GPD1: variants seen among roughly 807,000 people sequenced by gnomAD.
The protein encoded by GPD1 is glycerol-3-phosphate dehydrogenase 1, also known as glycerol-3-phosphate dehydrogenase [NAD(+)], cytoplasmic.
A neutral mutation model predicts 34.4 loss-of-function variants in GPD1; 19 were observed. The observed-to-expected ratio is 0.55, with a 90% confidence interval of 0.39 to 0.81. The LOEUF is 0.81. Among genes scored for constraint, GPD1 ranks in the 30% least tolerant of loss-of-function variants. The pLI, the probability that GPD1 is intolerant of heterozygous loss-of-function variation, is 0.00. For synonymous variants in GPD1, 172 were observed against 174.1 expected (o/e 0.99, Z 0.09); for missense variants, 429 against 447.0 (o/e 0.96, Z 0.36).
chr12:50,108,546 G>C (rs1950999794), intron 7 of GPD1, among the ~76,000 whole-genome samples: 1 of 152,156 alleles, frequency 6.6e-6, no homozygotes, highest in Non-Finnish European at 1.5e-5. Context: ...TGGGCTTCAA[G>C]GTGCTCGTTT....
chr12:50,106,424 T>G lies in GPD1; in HGVS notation c.497T>G (p.Ile166Ser), dbSNP rs1443931518. 2 of 1,613,432 alleles carry G rather than the reference T, an allele frequency of 1.2e-6. No homozygotes were observed. The highest frequency in any genetic ancestry group is 1.7e-6 in the Non-Finnish European group (2 of 1,179,744). ...VADEKFCETT[I>S]GCKDPAQGQL... ...GATGAGAAGTTCTGTGAGACAACCA[T>G]TGGTGAGAGCCCCCTGGCACCTGCA... is the stretch of plus-strand genomic sequence containing the variant. Residue 166 changes from isoleucine (I) to serine (S), a missense_variant and splice_region_variant, in exon 4 of 8, where the codon ATT becomes AGT. Ile to Ser is a moderately radical substitution (Grantham distance 142, BLOSUM62 -2). Transcript: ENST00000301149.
chr12:50,107,095 G>A lies in GPD1; in HGVS notation c.612+178G>A, dbSNP rs577003819. ...AAGCAAGGCCAGGGCCATTCAGGCCGGCTGATTATTCATCATCAGACCGTG... is the reference window on the plus strand; with the variant it reads ...AAGCAAGGCCAGGGCCATTCAGGCCAGCTGATTATTCATCATCAGACCGTG... On this transcript the variant is annotated intron_variant, in intron 5 of 7. Transcript: ENST00000301149. 1.0e-5 allele frequency: 7 copies of A among 699,210 alleles called. 1 individual carries two copies. The highest frequency in any genetic ancestry group is 6.0e-5 in the South Asian group (4 of 66,714). The allele number at this position is 699,210 out of a possible 1,614,324, so 43.3% of individuals were successfully genotyped here.
chr12:50,108,440 A>G (rs1164512646), intron 7 of GPD1, among the ~76,000 whole-genome samples: 1 of 151,932 alleles, frequency 6.6e-6, no homozygotes, highest in Non-Finnish European at 1.5e-5. Flanking sequence ...AGCTCATCCC[A>G]CTTCTGTCCA....
rs771618437 is a variant in GPD1, at chr12:50,107,609, T to A, written c.655T>A (p.Phe219Ile). 6.2e-7 allele frequency: 1 copy of A among 1,614,158 alleles called. No individual in the cohort carries two copies. The highest frequency in any genetic ancestry group is 1.1e-5 in the South Asian group (1 of 91,084). ...VGAGFCDGLG[F>I]GDNTKAAVIR... ...GGCTGGCTTCTGTGATGGCCTGGGC[T>A]TTGGCGACAACACCAAGGCGGCAGT... The change falls in exon 6 of 8, where the codon TTT (phenylalanine) becomes ATT (isoleucine). Residue 219 changes from phenylalanine (F) to isoleucine (I), a missense_variant. Coordinates refer to ENST00000301149, the MANE Select transcript of GPD1 (RefSeq NM_005276.4).
chr12:50,106,762 A>G (rs1264349255), intron 4 of GPD1, 43 bp from the exon 5 acceptor site: 9 of 1,118,396 alleles, frequency 8.0e-6, no homozygotes, highest in Non-Finnish European at 1.2e-5. Flanking sequence ...ATATTTTTTA[A>G]AAAGAGTCCT....
intron 1 of GPD1, 31 bp from the exon 2 acceptor site, chr12:50,104,543 C>T: frequency 2.5e-6 from 4 of 1,580,818 alleles, no homozygotes; most frequent in Non-Finnish European, 3.5e-6. Context: ...TTCCCTCCTC[C>T]TGTACTTTCC....
chr12:50,106,174 G>A (rs2232203), intron 3 of GPD1, 114 bp from the exon 4 acceptor site: 14,769 of 948,388 alleles, frequency 0.016, 157 homozygotes, highest in Middle Eastern at 0.023. Flanking sequence ...AATGGGGCAG[G>A]ACCTGTCGGG....
intron 3 of GPD1, 87 bp downstream of exon 3, chr12:50,105,775 T>C (rs1317181230): frequency 2.2e-6 from 3 of 1,364,842 alleles, no homozygotes; most frequent in Non-Finnish European, 3.1e-6. Flanking sequence ...GAACAGAAAA[T>C]GGCAGACGCA....
Position 50,109,578 on chromosome 12 carries a change from T to G in GPD1, c.*59T>G, listed in dbSNP as rs1951008192. 1 of 837,360 alleles carries G rather than the reference T, an allele frequency of 1.2e-6. No homozygotes were observed. Among genetic ancestry groups the G allele is most frequent in the Admixed American group, 1.7e-5 (1 of 57,778 alleles). The allele number at this position is 837,360 out of a possible 1,614,324, so 51.9% of individuals were successfully genotyped here. On this transcript the variant is annotated 3_prime_UTR_variant, in exon 8 of 8. Transcript: ENST00000301149. ...ACCCCAGTGGAGACCAGCAGAAGCC[T>G]GGGGTACCTAGTCACCAGGATCTCC...
In GPD1 at chr12:50,107,551, C is replaced by T. The variant is rs750266027; in HGVS notation, c.613-16C>T. On this transcript the variant is annotated splice_polypyrimidine_tract_variant and intron_variant, in intron 5 of 7. Coordinates refer to ENST00000301149, the MANE Select transcript of GPD1 (RefSeq NM_005276.4). ...GGAGGGGGTCTTTTCTCACCTATGA[C>T]CTCCACTCCTTCAAGAATGTAGTGG... 1.9e-6 allele frequency: 3 copies of T among 1,599,766 alleles called. No individual in the cohort carries two copies. Among genetic ancestry groups the T allele is most frequent in the South Asian group, 2.2e-5 (2 of 90,822 alleles).
chr12:50,104,259 GC>G, intron 1 of GPD1, 168 bp downstream of exon 1: 1 of 725,600 alleles, frequency 1.4e-6, no homozygotes, highest in Non-Finnish European at 2.4e-6. Context: ...CCTGACCCCC[GC>G]CCTCCTGGGC....
chr12:50,104,989 A>G (rs1167235572), intron 2 of GPD1, among the ~76,000 whole-genome samples: 2 of 152,240 alleles, frequency 1.3e-5, no homozygotes, highest in Non-Finnish European at 2.9e-5. Flanking sequence ...GTTGGTCTCC[A>G]TGGCAGCCAA....
At chr12:50,109,041 A>G (rs1317007509) in intron 7 of GPD1, among the ~76,000 whole-genome samples, 1 of 150,442 alleles carries the variant, frequency 6.6e-6, no homozygotes, top group Non-Finnish European at 1.5e-5. Context: ...AGGCTGATGC[A>G]GGAGAATCGC....
At chr12:50,106,516 A>G in intron 4 of GPD1, 90 bp downstream of exon 4, 3 of 1,240,400 alleles carry the variant, frequency 2.4e-6, no homozygotes, top group Middle Eastern at 1.9e-4. Context: ...TCTCTTTCCC[A>G]TAAGGCAGAG....
Position 50,107,969 on chromosome 12 carries a change from C to G in GPD1, c.847-55C>G, listed in dbSNP as rs186637941. 301 of 1,194,598 alleles carry G rather than the reference C, an allele frequency of 2.5e-4. 1 individual carries two copies. In the African/African-American group the frequency reaches 3.9e-3, roughly 15 times the overall value. The allele number at this position is 1,194,598 out of a possible 1,614,324, so 74.0% of individuals were successfully genotyped here. ...CATCTGAGCTCCAGTCTCTCCACCC[C>G]CTACTGACAACCCTTCTCTCCCATT... On this transcript the variant is annotated intron_variant, in intron 6 of 7. Transcript: ENST00000301149.
intron 7 of GPD1, among the ~76,000 whole-genome samples, chr12:50,109,012 G>C (rs1222009749): frequency 6.6e-6 from 1 of 151,918 alleles, no homozygotes; most frequent in Non-Finnish European, 1.5e-5. Context: ...GTGTGTGCCT[G>C]TAATCCCAGC....
chr12:50,104,129 G>GC (rs747779255), intron 1 of GPD1, 38 bp downstream of exon 1: 3 of 1,595,458 alleles, frequency 1.9e-6, no homozygotes, highest in African/African-American at 1.3e-5. Flanking sequence ...GGAAGGGTAG[G>GC]CCCCCCAAGA....
chr12:50,105,892 G>T lies in GPD1; in HGVS notation c.360+204G>T, dbSNP rs1453995548. 4.3e-6 allele frequency: 3 copies of T among 705,846 alleles called. No individual in the cohort carries two copies. The East Asian group carries it at 8.1e-5, about 19-fold the overall frequency. The allele number at this position is 705,846 out of a possible 1,614,324, so 43.7% of individuals were successfully genotyped here. A position where few individuals can be genotyped will look rare whatever the true frequency, so the allele number is the denominator to read the frequency against. On this transcript the variant is annotated intron_variant, in intron 3 of 7. Coordinates refer to ENST00000301149, the MANE Select transcript of GPD1 (RefSeq NM_005276.4). ...AAGGGAGGCTGAAGGGAGGAGACGA[G>T]ATTGGTTTGGAGGTCCTCTCGGGGA...
Position 50,107,706 on chromosome 12 carries a change from CCTT to C in GPD1, c.756_758del (p.Phe252del). The C allele has an allele frequency of 3.1e-6, 5 of 1,614,040 alleles. No individual in the cohort carries two copies. Among genetic ancestry groups the C allele is most frequent in the Non-Finnish European group, 4.2e-6 (5 of 1,179,942 alleles). ...TGCAGTGGCCCTGTGTCCTCTGCCA[CCTT>C]CTTGGAGAGCTGTGGTGTTGCTGAC... On this transcript the variant is annotated inframe_deletion, in exon 6 of 8. Transcript: ENST00000301149.
Sources: allele counts gnomAD v4.1 joint callset (sites outside exome capture counted in the v4.1 genomes callset), GRCh38; gene constraint gnomAD v4.1.1; transcripts MANE v1.5; gene names NCBI Gene and HGNC (gene_info 2026-07-23, HGNC 2026-07-21).